The following SPATA13 variants were observed in gnomAD, a reference collection of about 807,000 sequenced individuals.
SPATA13 encodes spermatogenesis-associated protein 13.
In SPATA13, 50 loss-of-function variants were observed where a neutral mutation model predicts 104.0. That is an observed-to-expected ratio of 0.48 (90% confidence interval 0.38 to 0.61). SPATA13 has a LOEUF of 0.61. SPATA13 is among the 20% of genes least tolerant of loss of function. The pLI is 0.00. For synonymous variants in SPATA13, 606 were observed against 667.5 expected (o/e 0.91, Z 1.42); for missense variants, 1,524 against 1,690.6 (o/e 0.90, Z 1.73).
intron 4 of SPATA13, among the ~76,000 whole-genome samples, chr13:24,253,925 G>T (rs1441805212): frequency 1.3e-5 from 2 of 152,176 alleles, no homozygotes; most frequent in African/African-American, 2.4e-5. Context: ...AAAGGGCTCT[G>T]CAGGTCATGA....
At chr13:24,121,765 G>T (rs7994320) in intron 3 of SPATA13, among the ~76,000 whole-genome samples, 77,241 of 151,894 alleles carry the variant, frequency 0.51, 20,314 homozygotes, top group Admixed American at 0.58. Flanking sequence ...ACATCCCCTC[G>T]TGTTTCAGAT....
intron 1 of SPATA13, among the ~76,000 whole-genome samples, chr13:24,170,310 C>G (rs563910852): frequency 6.6e-6 from 1 of 152,324 alleles, no homozygotes; most frequent in South Asian, 2.1e-4. Flanking sequence ...AGCATAGTGG[C>G]TTATTCAGTT....
At chr13:24,104,474 G>A (rs1880370627) in intron 3 of SPATA13, among the ~76,000 whole-genome samples, 1 of 152,180 alleles carries the variant, frequency 6.6e-6, no homozygotes, top group Non-Finnish European at 1.5e-5. Flanking sequence ...ATGCAGTTAA[G>A]GGAAAGTATT....
At chr13:24,106,515 G>C (rs114638803) in intron 3 of SPATA13, among the ~76,000 whole-genome samples, 193 of 152,316 alleles carry the variant, frequency 1.3e-3, no homozygotes, top group African/African-American at 4.5e-3. Flanking sequence ...CAGTTGAGCA[G>C]TTGTGCAGCA....
At chr13:23,990,587 T>C (rs1052824820) in intron 2 of SPATA13, among the ~76,000 whole-genome samples, 1 of 152,064 alleles carries the variant, frequency 6.6e-6, no homozygotes, top group South Asian at 2.1e-4. Flanking sequence ...TGCCCAACAC[T>C]CCCCAGCCTG....
intron 3 of SPATA13, among the ~76,000 whole-genome samples, chr13:24,113,123 G>A (rs1397030616): frequency 6.6e-6 from 1 of 152,208 alleles, no homozygotes; most frequent in African/African-American, 2.4e-5. Flanking sequence ...CTACTTGAAA[G>A]GCTAACCGGA....
intron 3 of SPATA13, among the ~76,000 whole-genome samples, chr13:24,083,580 T>C (rs1019682797): frequency 3.9e-5 from 6 of 152,184 alleles, no homozygotes; most frequent in African/African-American, 1.4e-4. Flanking sequence ...AAGCCTGTTC[T>C]CCTCCATCAT....
At chr13:24,237,793 C>T (rs1403491839) in intron 2 of SPATA13, among the ~76,000 whole-genome samples, 2 of 151,092 alleles carry the variant, frequency 1.3e-5, no homozygotes, top group African/African-American at 4.9e-5. Flanking sequence ...AACCAGACCC[C>T]ATCTTATAAA....
intron 1 of SPATA13, among the ~76,000 whole-genome samples, chr13:24,206,698 C>T (rs1279486660): frequency 1.3e-5 from 2 of 152,122 alleles, no homozygotes; most frequent in African/African-American, 4.8e-5. Flanking sequence ...TCAAGACCAG[C>T]CTGGCTAACG....
chr13:24,188,667 G>T (rs940052780), intron 1 of SPATA13, among the ~76,000 whole-genome samples: 9 of 152,348 alleles, frequency 5.9e-5, no homozygotes, highest in African/African-American at 2.2e-4. Flanking sequence ...TTCTTCAGAA[G>T]ATCTAGCTAA....
intron 9 of SPATA13, 120 bp from the exon 10 acceptor site, chr13:24,294,619 A>G: frequency 9.0e-7 from 1 of 1,108,350 alleles, no homozygotes; most frequent in Non-Finnish European, 1.2e-6. Flanking sequence ...GTGGCTAATG[A>G]CGTAAATGTC....
In SPATA13 at chr13:24,093,354, C is replaced by T. The variant is rs571551256; in HGVS notation, c.-112+75653C>T. Reference sequence around the variant, plus strand: ...GCACCAGTATCCCACTGTTCTGTGCCATTAAGCTTGCAAACACTCTATCAC... The same window carrying T: ...GCACCAGTATCCCACTGTTCTGTGCTATTAAGCTTGCAAACACTCTATCAC... On this transcript the variant is annotated intron_variant, in intron 3 of 14. Transcript: ENST00000424834. 3.3e-5 allele frequency among the ~76,000 whole-genome samples: 5 copies of T among 152,300 alleles called. No individual in the cohort carries two copies. The South Asian group carries it at 1.0e-3, about 32-fold the overall frequency.
At chr13:24,091,846 G>C (rs765506104) in intron 3 of SPATA13, among the ~76,000 whole-genome samples, 1 of 152,086 alleles carries the variant, frequency 6.6e-6, no homozygotes, top group Non-Finnish European at 1.5e-5. Flanking sequence ...AGTTAAATAA[G>C]GGCAGTTTTC....
chr13:24,113,868 C>CAAAA (rs958434459), intron 3 of SPATA13, among the ~76,000 whole-genome samples: 701 of 50,980 alleles, frequency 0.014, 3 homozygotes, highest in African/African-American at 0.024. Flanking sequence ...GACTCGATCT[C>CAAAA]AAAAAAAAAA....
At chr13:24,209,265 A>G (rs1156460551) in intron 1 of SPATA13, among the ~76,000 whole-genome samples, 2 of 152,342 alleles carry the variant, frequency 1.3e-5, no homozygotes, top group East Asian at 3.9e-4. Flanking sequence ...ATTAAACCTC[A>G]GTTAGGCTTT....
chr13:24,139,532 T>A (rs1881683339), intron 3 of SPATA13, among the ~76,000 whole-genome samples: 1 of 152,226 alleles, frequency 6.6e-6, no homozygotes, highest in Non-Finnish European at 1.5e-5. Flanking sequence ...CCATCTGTTA[T>A]ATTAAGGTGC....
chr13:23,991,576 C>T (rs968932623), intron 2 of SPATA13, among the ~76,000 whole-genome samples: 2 of 152,196 alleles, frequency 1.3e-5, no homozygotes, highest in Admixed American at 6.5e-5. Context: ...CAGTGTCCAG[C>T]TGTCTTTGCT....
intron 1 of SPATA13, among the ~76,000 whole-genome samples, chr13:24,165,467 C>T (rs1357493289): frequency 1.3e-5 from 2 of 152,146 alleles, no homozygotes; most frequent in Non-Finnish European, 2.9e-5. Context: ...AGCACAGGTC[C>T]GAAATGGCCA....
Position 24,306,102 on chromosome 13 carries a change from CT to C in SPATA13, c.*3334del, listed in dbSNP as rs1877560893. On this transcript the variant is annotated 3_prime_UTR_variant, in exon 13 of 13. Coordinates refer to ENST00000382108, the MANE Select transcript of SPATA13 (RefSeq NM_001166271.3). ...CAAACACTATTTCTGAATATTGTGC[CT>C]TTTTATACCTAGCCTAGATGAAAAC... 1 of 152,154 alleles carries C rather than the reference CT, an allele frequency of 6.6e-6. No individual in the cohort carries two copies. The highest frequency in any genetic ancestry group is 1.5e-5 in the Non-Finnish European group (1 of 68,040). 9.4% of individuals were successfully genotyped at this position (152,154 alleles called of 1,614,324 possible). A position where few individuals can be genotyped will look rare whatever the true frequency, so the allele number is the denominator to read the frequency against.
Sources: gnomAD v4.1 joint callset for allele counts (sites outside exome capture counted in the v4.1 genomes callset) on GRCh38, gnomAD v4.1.1 for gene constraint, MANE v1.5 for transcripts, NCBI Gene and HGNC (gene_info 2026-07-23, HGNC 2026-07-21) for gene names.